The following SLC12A6 variants were observed in gnomAD, a reference collection of about 807,000 sequenced individuals.
SLC12A6 encodes the protein solute carrier family 12 member 6.
A neutral mutation model predicts 135.3 loss-of-function variants in SLC12A6; 66 were observed. The observed-to-expected ratio is 0.49, with a 90% CI of 0.40 to 0.60. The LOEUF is 0.60. SLC12A6 is among the 20% of genes least tolerant of loss of function. The pLI is 0.00. For synonymous variants in SLC12A6, 513 were observed against 508.8 expected, an observed-to-expected ratio of 1.01 and a Z score of -0.11; for missense variants, 1,058 against 1,452.3, an observed-to-expected ratio of 0.73 and a Z score of 4.41.
chr15:34,320,671 CTTTGGG>C (rs1889015804), intron 2 of SLC12A6, among the ~76,000 whole-genome samples: 3 of 149,824 alleles, frequency 2.0e-5, no homozygotes, highest in Non-Finnish European at 4.4e-5. Flanking sequence ...AATCCCAGCA[CTTTGGG>C]AGGCCGAGGC....
rs778726876 is a variant in SLC12A6, at chr15:34,257,632, C to A, written c.690+10G>T. On this transcript the variant is annotated intron_variant, in intron 6 of 25. Transcript: ENST00000354181. Reference sequence around the variant, plus strand: ...TTCAGGTGATCTCTAGGAGCCAGTGCAGTACTTACACAGCAGCAGCAGATA... The same window carrying A: ...TTCAGGTGATCTCTAGGAGCCAGTGAAGTACTTACACAGCAGCAGCAGATA... The A allele has an allele frequency of 1.9e-6, 3 of 1,611,680 alleles. No homozygotes were observed. Among genetic ancestry groups the A allele is most frequent in the Non-Finnish European group, 2.5e-6 (3 of 1,177,828 alleles).
intron 2 of SLC12A6, among the ~76,000 whole-genome samples, chr15:34,335,635 C>T (rs959074539): frequency 2.0e-5 from 3 of 152,188 alleles, no homozygotes; most frequent in Non-Finnish European, 4.4e-5. Flanking sequence ...CTTCCATCAC[C>T]TCTTCCCAGT....
chr15:34,240,922 C>G (rs1195669972), intron 18 of SLC12A6, 93 bp from the exon 19 acceptor site: 3 of 958,052 alleles, frequency 3.1e-6, no homozygotes, highest in African/African-American at 3.2e-5. Flanking sequence ...TTCAGGAGAT[C>G]TGTATGAAAC....
chr15:34,241,764 G>A (rs914209137), intron 17 of SLC12A6, among the ~76,000 whole-genome samples: 4 of 152,214 alleles, frequency 2.6e-5, no homozygotes, highest in Non-Finnish European at 5.9e-5. Context: ...TAGTTACTAA[G>A]TTGTTCAGAA....
chr15:34,271,750 T>C (rs1023289562), intron 3 of SLC12A6, among the ~76,000 whole-genome samples: 21 of 152,086 alleles, frequency 1.4e-4, no homozygotes, highest in African/African-American at 4.6e-4. Context: ...GTGGGAACAG[T>C]AGATACATTA....
intron 2 of SLC12A6, among the ~76,000 whole-genome samples, chr15:34,306,643 G>A (rs927070565): frequency 1.3e-5 from 2 of 151,894 alleles, no homozygotes; most frequent in African/African-American, 4.9e-5. Context: ...TATTCAAGTA[G>A]CCACCTTCCC....
chr15:34,309,572 A>T (rs946673739), intron 2 of SLC12A6, among the ~76,000 whole-genome samples: 9 of 152,218 alleles, frequency 5.9e-5, no homozygotes, highest in African/African-American at 1.9e-4. Context: ...AAGAAATCAA[A>T]GTGTCTGAGA....
At chr15:34,250,037 CAGGACTGT>C (rs1291016262) in intron 13 of SLC12A6, among the ~76,000 whole-genome samples, 1 of 152,110 alleles carries the variant, frequency 6.6e-6, no homozygotes, top group Admixed American at 6.6e-5. Context: ...CCCAAGTAGC[CAGGACTGT>C]AGGTGCACAC....
intron 2 of SLC12A6, among the ~76,000 whole-genome samples, chr15:34,316,686 A>C (rs1166347917): frequency 6.6e-6 from 1 of 152,368 alleles, no homozygotes; most frequent in African/African-American, 2.4e-5. Context: ...CACTCATTAC[A>C]AAGTTGGGTA....
intron 12 of SLC12A6, 27 bp from the exon 13 acceptor site, chr15:34,250,382 G>A (rs371899120): frequency 1.2e-5 from 17 of 1,457,118 alleles, no homozygotes; most frequent in Middle Eastern, 1.7e-4. Flanking sequence ...CAAGGAAACT[G>A]TTGTTTACCC....
chr15:34,317,031 A>G (rs1457890555), intron 2 of SLC12A6, among the ~76,000 whole-genome samples: 2 of 152,218 alleles, frequency 1.3e-5, no homozygotes. Context: ...TAAGTAAAAA[A>G]TAAGTAAATA....
At chr15:34,289,674 T>G (rs901226205) in intron 2 of SLC12A6, among the ~76,000 whole-genome samples, 10 of 152,332 alleles carry the variant, frequency 6.6e-5, no homozygotes, top group African/African-American at 2.4e-4. Flanking sequence ...ATTGGTCTAT[T>G]CAGAGATTCA....
Position 34,231,783 on chromosome 15 carries a change from G to A in SLC12A6, c.*2098C>T, listed in dbSNP as rs553152328. ...TTTTTTGTATTTTTGTAGAGACAGG[G>A]TTTCACCGTGTTAGCCAGGATGGTC... On this transcript the variant is annotated 3_prime_UTR_variant, in exon 26 of 26. Transcript: ENST00000354181. The A allele has an allele frequency of 6.6e-6, 1 of 152,080 alleles. No homozygotes were observed. The highest frequency in any genetic ancestry group is 2.1e-4 in the South Asian group (1 of 4,806). The allele number at this position is 152,080 out of a possible 1,614,324, so 9.4% of individuals were successfully genotyped here.
chr15:34,333,577 A>G (rs766289525), intron 2 of SLC12A6, among the ~76,000 whole-genome samples: 4 of 151,960 alleles, frequency 2.6e-5, no homozygotes, highest in Non-Finnish European at 5.9e-5. Flanking sequence ...CACTCTCAAC[A>G]GTTTCTTTTG....
intron 2 of SLC12A6, among the ~76,000 whole-genome samples, chr15:34,314,298 C>T (rs143874366): frequency 0.012 from 1,828 of 152,278 alleles, 15 homozygotes; most frequent in Middle Eastern, 0.037. Flanking sequence ...CCACCCACCT[C>T]GGCCTCCCAA....
At chr15:34,302,819 G>C (rs1400698084) in intron 2 of SLC12A6, among the ~76,000 whole-genome samples, 2 of 151,734 alleles carry the variant, frequency 1.3e-5, no homozygotes, top group Non-Finnish European at 2.9e-5. Context: ...GCGTAGTAGT[G>C]GATGTCTATA....
chr15:34,271,311 G>A (rs908733151), intron 3 of SLC12A6, among the ~76,000 whole-genome samples: 2 of 151,548 alleles, frequency 1.3e-5, no homozygotes, highest in Non-Finnish European at 2.9e-5. Context: ...TATGTTGCCC[G>A]ATTCAGATTG....
At position 34,255,382 on chromosome 15, in the gene SLC12A6, T is replaced by C; in HGVS notation, c.756A>G (p.Ser252=). The C allele has an allele frequency of 6.2e-7, 1 of 1,609,946 alleles. No individual in the cohort carries two copies. Among genetic ancestry groups the C allele is most frequent in the East Asian group, 2.2e-5 (1 of 44,864 alleles). The part of the protein sequence containing the change: ...ATNGVVPAGG[S]YFMISRALGP... Reference sequence around the variant, plus strand: ...CCAGTGCCCGGGAAATCATAAAGTATGAGCCCCCAGCTAAAAGACAAAACA... The same window carrying C: ...CCAGTGCCCGGGAAATCATAAAGTACGAGCCCCCAGCTAAAAGACAAAACA... Residue 252 remains serine (S), a synonymous_variant, in exon 8 of 26, where the codon TCA becomes TCG. Coordinates refer to ENST00000354181, the MANE Select transcript of SLC12A6 (RefSeq NM_001365088.1).
chr15:34,333,041 A>C (rs947041590), intron 2 of SLC12A6, among the ~76,000 whole-genome samples: 1 of 151,926 alleles, frequency 6.6e-6, no homozygotes, highest in Non-Finnish European at 1.5e-5. Context: ...AGTCTAATCT[A>C]TTGGGGTTTT....
Sources: gnomAD v4.1 joint callset for allele counts (sites outside exome capture counted in the v4.1 genomes callset) on GRCh38, gnomAD v4.1.1 for gene constraint, MANE v1.5 for transcripts, NCBI Gene and HGNC (gene_info 2026-07-23, HGNC 2026-07-21) for gene names.